TGFBR1: variants seen among roughly 807,000 people sequenced by gnomAD.
TGFBR1 encodes the protein transforming growth factor beta receptor 1.
Under a neutral mutation model 55.1 loss-of-function variants are expected in TGFBR1, and 20 were observed. The observed-to-expected ratio is 0.36, with a 90% confidence interval of 0.26 to 0.53. TGFBR1 has a LOEUF of 0.53. TGFBR1 is among the 20% of genes least tolerant of loss of function. TGFBR1 has a pLI of 0.91. For synonymous variants in TGFBR1, 220 were observed against 214.8 expected (o/e 1.02, Z -0.21); for missense variants, 385 against 617.6 (o/e 0.62, Z 3.99).
rs940234784 is a variant in TGFBR1, at chr9:99,105,179, C to T, written c.-27C>T. Reference sequence around the variant, plus strand: ...AGGCAGCGGCGCGGCCGGGCCGGGCCGGGCCACAGGCGGTGGCGGCGGGAC... The same window carrying T: ...AGGCAGCGGCGCGGCCGGGCCGGGCTGGGCCACAGGCGGTGGCGGCGGGAC... On this transcript the variant is annotated 5_prime_UTR_variant, in exon 1 of 9. Coordinates refer to ENST00000374994, the MANE Select transcript of TGFBR1 (RefSeq NM_004612.4). 31 of 1,085,922 alleles carry T rather than the reference C, an allele frequency of 2.9e-5. No individual in the cohort carries two copies. In the African/African-American group the frequency reaches 4.5e-4, roughly 16 times the overall value. The allele number at this position is 1,085,922 out of a possible 1,614,324, so 67.3% of individuals were successfully genotyped here.
chr9:99,149,318 G>A lies in TGFBR1; in HGVS notation c.*13G>A. On this transcript the variant is annotated 3_prime_UTR_variant, in exon 9 of 9. Coordinates refer to ENST00000374994, the MANE Select transcript of TGFBR1 (RefSeq NM_004612.4). ...CATCAAAATGTAATTCTACAGCTTT[G>A]CCTGAACTCTCCTTTTTTCTTCAGA... 1.2e-6 allele frequency: 2 copies of A among 1,613,410 alleles called. No individual in the cohort carries two copies. The highest frequency in any genetic ancestry group is 1.7e-6 in the Non-Finnish European group (2 of 1,179,558).
intron 1 of TGFBR1, among the ~76,000 whole-genome samples, chr9:99,123,818 G>A (rs1251828011): frequency 2.6e-5 from 4 of 152,080 alleles, no homozygotes; most frequent in Non-Finnish European, 4.4e-5. Context: ...GGTGGCCTAC[G>A]AATAAAAACC....
chr9:99,117,838 C>T lies in TGFBR1; in HGVS notation c.98-11017C>T, dbSNP rs78284550. The stretch of plus-strand genomic sequence containing the variant: ...TTTTCCATATAAATTTCAGAATCAA[C>T]TTGTCAGTTCCCACTGAATAAAAAA... On this transcript the variant is annotated intron_variant, in intron 1 of 8. Transcript: ENST00000374994. Among the ~76,000 whole-genome samples the T allele has an allele frequency of 3.3e-3, 510 of 152,270 alleles. 6 individuals carry two copies. The highest frequency in any genetic ancestry group is 0.012 in the African/African-American group (489 of 41,568).
rs1299510770 is a variant in TGFBR1, at chr9:99,107,191, C to T, written c.97+1889C>T. ...AGGTGCTTATTACTCTAAGCCCAGACTGCCTCAGCTTGTCTGCCTCCCCTG... is the reference window on the plus strand; with the variant it reads ...AGGTGCTTATTACTCTAAGCCCAGATTGCCTCAGCTTGTCTGCCTCCCCTG... On this transcript the variant is annotated intron_variant, in intron 1 of 8. Coordinates refer to ENST00000374994, the MANE Select transcript of TGFBR1 (RefSeq NM_004612.4). Among the ~76,000 whole-genome samples, 3 of 152,238 alleles carry T rather than the reference C, an allele frequency of 2.0e-5. No individual in the cohort carries two copies. In the South Asian group the frequency reaches 6.2e-4, roughly 31 times the overall value.
At position 99,153,947 on chromosome 9, in the gene TGFBR1, C is replaced by T. The variant is rs1318478155; in HGVS notation, c.*4642C>T. ...CCTTTGGGTCAGCACATTTGTTAGT[C>T]TCCTGGGGGTGAAAACTTGGCTTAC... On this transcript the variant is annotated 3_prime_UTR_variant, in exon 9 of 9. Transcript: ENST00000374994. The T allele has an allele frequency of 9.3e-6, 2 of 215,060 alleles. No homozygotes were observed. Among genetic ancestry groups the T allele is most frequent in the East Asian group, 6.8e-5 (1 of 14,648 alleles). 13.3% of individuals were successfully genotyped at this position (215,060 alleles called of 1,614,324 possible). A position where few individuals can be genotyped will look rare whatever the true frequency, so the allele number is the denominator to read the frequency against.
chr9:99,104,092 C>G (rs1295067227), upstream of TGFBR1: 1 of 152,170 alleles, frequency 6.6e-6, no homozygotes, highest in Non-Finnish European at 1.5e-5. Flanking sequence ...CTCATTTTGG[C>G]GTCGCAGAGG....
At chr9:99,120,759 T>C (rs971050843) in intron 1 of TGFBR1, among the ~76,000 whole-genome samples, 2 of 152,218 alleles carry the variant, frequency 1.3e-5, no homozygotes, top group African/African-American at 4.8e-5. Context: ...AGTAGTAGAA[T>C]TGATGGATTA....
At chr9:99,104,877 G>T (rs948654269), upstream of TGFBR1, among the ~76,000 whole-genome samples, 31 of 152,076 alleles carry the variant, frequency 2.0e-4, no homozygotes, top group African/African-American at 7.5e-4. Context: ...TCGGAGCCGG[G>T]AGCCGATCGG....
upstream of TGFBR1, among the ~76,000 whole-genome samples, chr9:99,104,326 G>T (rs1040773232): frequency 1.3e-5 from 2 of 152,298 alleles, no homozygotes; most frequent in East Asian, 1.9e-4. Flanking sequence ...AACCTGGATC[G>T]GGAAGGGGTT....
chr9:99,104,181 C>G (rs909707315), upstream of TGFBR1: 1 of 152,156 alleles, frequency 6.6e-6, no homozygotes, highest in Non-Finnish European at 1.5e-5. Context: ...TTAGTGACAC[C>G]TCAGGATTAT....
upstream of TGFBR1, among the ~76,000 whole-genome samples, chr9:99,104,843 C>G (rs986688425): frequency 5.3e-5 from 8 of 152,140 alleles, no homozygotes; most frequent in Non-Finnish European, 7.4e-5. Context: ...CTGGGGCTGG[C>G]AGACCCCGCC....
At position 99,107,849 on chromosome 9, in the gene TGFBR1, A is replaced by T. The variant is rs77893832; in HGVS notation, c.97+2547A>T. 3.3e-3 allele frequency among the ~76,000 whole-genome samples: 498 copies of T among 152,250 alleles called. 2 individuals are homozygous for T. The highest frequency in any genetic ancestry group is 0.011 in the African/African-American group (467 of 41,522). ...CTCCTGACTGTTCAGCCTTTTCACT[A>T]CACATTTAGTTTTGCCCCTTTTTTT... is the stretch of plus-strand genomic sequence containing the variant. On this transcript the variant is annotated intron_variant, in intron 1 of 8. Coordinates refer to ENST00000374994, the MANE Select transcript of TGFBR1 (RefSeq NM_004612.4).
rs538553305 is a variant in TGFBR1, at chr9:99,147,544, T to TA, written c.1256-109dup. 2.4e-3 allele frequency: 2,451 copies of TA among 1,028,158 alleles called. 4 individuals are homozygous for TA. Among genetic ancestry groups the TA allele is most frequent in the Non-Finnish European group, 3.3e-3 (2,243 of 683,670 alleles). The allele number at this position is 1,028,158 out of a possible 1,614,324, so 63.7% of individuals were successfully genotyped here. On this transcript the variant is annotated intron_variant, in intron 7 of 8. Transcript: ENST00000374994. Reference sequence around the variant, plus strand: ...AGAAAGCTGTAATCTCTGTTCCACATACCTACTTTAGTAATGAAACACTGT... The same window carrying TA: ...AGAAAGCTGTAATCTCTGTTCCACATAACCTACTTTAGTAATGAAACACTGT...
rs896517924 is a variant in TGFBR1, at chr9:99,153,745, A to G, written c.*4440A>G. The stretch of plus-strand genomic sequence containing the variant: ...TGGCAACTAGAACCTTTGAGTTACA[A>G]GAGTCTTTAGAAGTTTTCTAACCCT... On this transcript the variant is annotated 3_prime_UTR_variant, in exon 9 of 9. Coordinates refer to ENST00000374994, the MANE Select transcript of TGFBR1 (RefSeq NM_004612.4). 4.9e-6 allele frequency: 1 copy of G among 202,044 alleles called. No homozygotes were observed. Among genetic ancestry groups the G allele is most frequent in the Non-Finnish European group, 1.0e-5 (1 of 98,014 alleles). The allele number at this position is 202,044 out of a possible 1,614,324, so 12.5% of individuals were successfully genotyped here. A position where few individuals can be genotyped will look rare whatever the true frequency, so the allele number is the denominator to read the frequency against.
intron 4 of TGFBR1, 29 bp downstream of exon 4, chr9:99,138,118 A>C (rs373771687): frequency 6.3e-7 from 1 of 1,578,108 alleles, no homozygotes; most frequent in African/African-American, 1.3e-5. Flanking sequence ...TCCTTATGTT[A>C]TATATAACAA....
intron 2 of TGFBR1, among the ~76,000 whole-genome samples, chr9:99,130,605 C>T (rs1344621999): frequency 1.3e-5 from 2 of 152,186 alleles, no homozygotes; most frequent in Admixed American, 6.5e-5. Flanking sequence ...GAAGAAGTCA[C>T]CTTATTTCTC....
At chr9:99,134,543 C>T (rs1035752308) in intron 3 of TGFBR1, among the ~76,000 whole-genome samples, 3 of 152,026 alleles carry the variant, frequency 2.0e-5, no homozygotes, top group Admixed American at 6.6e-5. Flanking sequence ...CTGCTCAAAA[C>T]TGTGATAATC....
At chr9:99,124,527 G>C (rs1030243624) in intron 1 of TGFBR1, among the ~76,000 whole-genome samples, 2 of 152,030 alleles carry the variant, frequency 1.3e-5, no homozygotes, top group African/African-American at 2.4e-5. Flanking sequence ...AAAAGGTTGG[G>C]GGGGGCAGTA....
Position 99,109,524 on chromosome 9 carries a change from A to G in TGFBR1, c.97+4222A>G, listed in dbSNP as rs370185758. ...TTAGTTGAGCAGTTACAGGGACTCA[A>G]CACCATTCTTGTAGTGTCATTTTAT... On this transcript the variant is annotated intron_variant, in intron 1 of 8. Transcript: ENST00000374994. 2.6e-3 allele frequency among the ~76,000 whole-genome samples: 396 copies of G among 152,336 alleles called. 2 individuals carry two copies. Among genetic ancestry groups the G allele is most frequent in the African/African-American group, 8.9e-3 (371 of 41,572 alleles).
Sources: allele counts gnomAD v4.1 joint callset (sites outside exome capture counted in the v4.1 genomes callset), GRCh38; gene constraint gnomAD v4.1.1; transcripts MANE v1.5; gene names NCBI Gene and HGNC (gene_info 2026-07-23, HGNC 2026-07-21).